Variants in TBC1D22A observed in about 807,000 individuals in gnomAD.
TBC1D22A encodes TBC1 domain family member 22A, also known as putative GTPase activator.
In TBC1D22A, 38 loss-of-function variants were observed where a neutral mutation model predicts 60.2. The observed-to-expected ratio is 0.63, with a 90% CI of 0.49 to 0.83. TBC1D22A has a LOEUF of 0.83. Among genes scored for constraint, TBC1D22A ranks in the 40% least tolerant of loss-of-function variants. TBC1D22A has a pLI of 0.00. For synonymous variants in TBC1D22A, 302 were observed against 281.7 expected (o/e 1.07, Z -0.72); for missense variants, 628 against 701.0 (o/e 0.90, Z 1.18).
chr22:47,008,453 C>T (rs1168275801), intron 10 of TBC1D22A, among the ~76,000 whole-genome samples: 1 of 152,216 alleles, frequency 6.6e-6, no homozygotes, highest in Non-Finnish European at 1.5e-5. Context: ...GGAGACCCTG[C>T]CTGGGACCTG....
intron 11 of TBC1D22A, among the ~76,000 whole-genome samples, chr22:47,075,816 A>T (rs1157211683): frequency 2.1e-5 from 3 of 142,730 alleles, no homozygotes; most frequent in African/African-American, 3.1e-5. Flanking sequence ...ACACACACAC[A>T]TATGGACACA....
chr22:47,144,887 G>A (rs1160770081), intron 12 of TBC1D22A, among the ~76,000 whole-genome samples: 1 of 149,084 alleles, frequency 6.7e-6, no homozygotes, highest in Non-Finnish European at 1.5e-5. Flanking sequence ...TGAGATCCTG[G>A]GACTGGGTGC....
At chr22:46,782,461 G>A (rs2083981136) in intron 1 of TBC1D22A, among the ~76,000 whole-genome samples, 1 of 152,216 alleles carries the variant, frequency 6.6e-6, no homozygotes, top group Non-Finnish European at 1.5e-5. Flanking sequence ...CAGGGAGGGG[G>A]CCCTTCCTTT....
chr22:46,991,381 G>T (rs2074933613), intron 9 of TBC1D22A, among the ~76,000 whole-genome samples: 1 of 152,204 alleles, frequency 6.6e-6, no homozygotes, highest in Admixed American at 6.5e-5. Context: ...AGCTGGGAGG[G>T]ATAGCGAATG....
intron 12 of TBC1D22A, among the ~76,000 whole-genome samples, chr22:47,136,311 G>A (rs143490357): frequency 0.014 from 2,154 of 152,318 alleles, 18 homozygotes; most frequent in Middle Eastern, 0.065. Context: ...GCTACTTGGC[G>A]TTGGCCCCAG....
chr22:46,797,408 G>GCCCTCA, intron 3 of TBC1D22A, 36 bp from the exon 4 acceptor site: 2 of 1,608,406 alleles, frequency 1.2e-6, no homozygotes, highest in Non-Finnish European at 1.7e-6. Context: ...CGGGAGGAGC[G>GCCCTCA]CCCTCACCCT....
intron 12 of TBC1D22A, among the ~76,000 whole-genome samples, chr22:47,146,522 TCA>T (rs998812559): frequency 5.9e-5 from 9 of 152,236 alleles, no homozygotes; most frequent in African/African-American, 1.9e-4. Context: ...TCTAATGTCC[TCA>T]CCACCCATGG....
chr22:47,075,964 GATAAA>G (rs2147532304), intron 11 of TBC1D22A, among the ~76,000 whole-genome samples: 1 of 152,246 alleles, frequency 6.6e-6, no homozygotes, highest in East Asian at 1.9e-4. Flanking sequence ...TCTACAGGAT[GATAAA>G]ATAAATAAGT....
intron 4 of TBC1D22A, among the ~76,000 whole-genome samples, chr22:46,802,667 T>C (rs1334228628): frequency 6.6e-6 from 1 of 152,122 alleles, no homozygotes; most frequent in African/African-American, 2.4e-5. Flanking sequence ...TAAAGCGCGG[T>C]GCAGAGCATC....
At chr22:47,119,657 C>T (rs371089758) in intron 12 of TBC1D22A, among the ~76,000 whole-genome samples, 56 of 152,134 alleles carry the variant, frequency 3.7e-4, no homozygotes, top group African/African-American at 1.0e-3. Context: ...GCAGCACGCC[C>T]GGCTAATTTT....
At chr22:47,052,172 T>TA (rs2063246916) in intron 11 of TBC1D22A, among the ~76,000 whole-genome samples, 1 of 152,196 alleles carries the variant, frequency 6.6e-6, no homozygotes, top group South Asian at 2.1e-4. Flanking sequence ...GTTCTGGAGT[T>TA]AGAGTGGGAT....
intron 12 of TBC1D22A, among the ~76,000 whole-genome samples, chr22:47,168,977 G>A (rs61142586): frequency 4.0e-5 from 6 of 150,662 alleles, no homozygotes; most frequent in Non-Finnish European, 7.4e-5. Flanking sequence ...CTTCGGCATC[G>A]GGAGCCTCAC....
At chr22:47,026,900 T>C (rs1359306178) in intron 10 of TBC1D22A, among the ~76,000 whole-genome samples, 1 of 152,224 alleles carries the variant, frequency 6.6e-6, no homozygotes, top group African/African-American at 2.4e-5. Context: ...TAAATTCATA[T>C]GGAAATACAA....
At position 47,111,556 on chromosome 22, in the gene TBC1D22A, T is replaced by C. The variant is rs1457958074; in HGVS notation, c.1378T>C (p.Phe460Leu). 6.2e-7 allele frequency: 1 copy of C among 1,614,202 alleles called. No homozygotes were observed. The highest frequency in any genetic ancestry group is 1.1e-5 in the South Asian group (1 of 91,074). The change falls in exon 12 of 13, where the codon TTT (phenylalanine) becomes CTT (leucine). Residue 460 changes from phenylalanine (F) to leucine (L), a missense_variant. Physicochemically the swap from Phe to Leu is conservative, Grantham distance 22 (BLOSUM62 0). Coordinates refer to ENST00000337137, the MANE Select transcript of TBC1D22A (RefSeq NM_014346.5). ...TTTCCACTTGTACGTGTGCGCTGCT[T>C]TTCTCGTGAGATGGAGGAAGGAAAT... ...SHFHLYVCAA[F>L]LVRWRKEILE...
chr22:46,955,718 A>G (rs1361174510), intron 8 of TBC1D22A, among the ~76,000 whole-genome samples: 2 of 152,366 alleles, frequency 1.3e-5, no homozygotes, highest in East Asian at 3.9e-4. Context: ...CTATCAAATC[A>G]TCACAAATTA....
At chr22:47,037,325 CG>C in intron 11 of TBC1D22A, 127 bp downstream of exon 11, 1 of 1,351,558 alleles carries the variant, frequency 7.4e-7, no homozygotes, top group Non-Finnish European at 1.0e-6. Context: ...CATTGAAATG[CG>C]GTCTTTAAAA....
chr22:47,106,347 A>G (rs1848086944), intron 11 of TBC1D22A, among the ~76,000 whole-genome samples: 1 of 152,214 alleles, frequency 6.6e-6, no homozygotes, highest in African/African-American at 2.4e-5. Context: ...AGCAGAATAA[A>G]TATCACAAGG....
intron 12 of TBC1D22A, among the ~76,000 whole-genome samples, chr22:47,152,018 G>A (rs373404781): frequency 1.8e-4 from 28 of 152,170 alleles, no homozygotes; most frequent in East Asian, 1.2e-3. Context: ...CTCTGCTGGT[G>A]GCAGCCCGTG....
intron 9 of TBC1D22A, among the ~76,000 whole-genome samples, chr22:46,981,967 G>C (rs2074529320): frequency 6.6e-6 from 1 of 152,048 alleles, no homozygotes; most frequent in Non-Finnish European, 1.5e-5. Flanking sequence ...GCAGTTACTA[G>C]GGAGCCAGAT....
Sources: allele counts gnomAD v4.1 joint callset (sites outside exome capture counted in the v4.1 genomes callset), GRCh38; gene constraint gnomAD v4.1.1; transcripts MANE v1.5; gene names NCBI Gene and HGNC (gene_info 2026-07-23, HGNC 2026-07-21).